The following WDR17 variants were observed in gnomAD, a reference collection of about 807,000 sequenced individuals.
WDR17 encodes the protein WD repeat-containing protein 17.
WDR17 carries 143 observed loss-of-function variants against 161.7 expected under a neutral mutation model. The ratio of observed to expected loss-of-function variants is 0.88; its 90% confidence interval spans 0.77 to 1.02. The LOEUF is 1.02. WDR17 is among the 50% of genes least tolerant of loss of function. The probability of loss-of-function intolerance (pLI) is 0.00; values close to 1 mark genes in which losing one functional copy is unlikely to be tolerated. For missense variants in WDR17, 1,469 were observed against 1,520.9 expected (o/e 0.97, Z 0.57); for synonymous variants, 517 against 515.6 (o/e 1.00, Z -0.04).
chr4:176,167,428 C>T (rs574651238), intron 22 of WDR17, among the ~76,000 whole-genome samples: 105 of 151,392 alleles, frequency 6.9e-4, no homozygotes, highest in African/African-American at 2.4e-3. Flanking sequence ...GGGCGGATCA[C>T]GAGGTCAGGA....
intron 10 of WDR17, among the ~76,000 whole-genome samples, chr4:176,140,685 TTAGGTTTTGC>T (rs149876113): frequency 0.016 from 2,416 of 152,268 alleles, 61 homozygotes; most frequent in African/African-American, 0.054. Flanking sequence ...ACAGAAGTTG[TTAGGTTTTGC>T]TAAAGCCACT....
At chr4:176,153,316 C>A (rs1317203732) in intron 17 of WDR17, among the ~76,000 whole-genome samples, 1 of 152,194 alleles carries the variant, frequency 6.6e-6, no homozygotes, top group Non-Finnish European at 1.5e-5. Flanking sequence ...AGGGTTTCTG[C>A]TGAATATCAT....
intron 22 of WDR17, among the ~76,000 whole-genome samples, chr4:176,164,233 T>C (rs1749452570): frequency 6.6e-6 from 1 of 152,182 alleles, no homozygotes; most frequent in Non-Finnish European, 1.5e-5. Context: ...TCGCAGTAAG[T>C]GGTAGAGCCA....
intron 7 of WDR17, among the ~76,000 whole-genome samples, chr4:176,134,703 T>C (rs1045925450): frequency 6.6e-6 from 1 of 151,748 alleles, no homozygotes; most frequent in Non-Finnish European, 1.5e-5. Flanking sequence ...TTGAGTTTCA[T>C]CTTGGTCTTC....
In WDR17 at chr4:176,150,069, C is replaced by T; in HGVS notation, c.2074C>T (p.Pro692Ser). 6.2e-7 allele frequency: 1 copy of T among 1,614,040 alleles called. No homozygotes were observed. Among genetic ancestry groups the T allele is most frequent in the Middle Eastern group, 1.7e-4 (1 of 6,060 alleles). The change falls in exon 15 of 29, where the codon CCT (proline) becomes TCT (serine). Residue 692 changes from proline to serine, a missense_variant. Transcript: ENST00000508596. ...TDYAIEPGTP[P>S]LLCGKVSRDI... ...TTATGCTATAGAACCAGGCACTCCT[C>T]CTCTACTGTGTGGTAAAGTGTCAAG...
Position 176,167,666 on chromosome 4 carries a change from A to AAC in WDR17, c.2991-1005_2991-1004insCA, listed in dbSNP as rs1554036571. On this transcript the variant is annotated intron_variant, in intron 22 of 28. Coordinates refer to ENST00000508596, the MANE Select transcript of WDR17 (RefSeq NM_181265.4). ...TCTCAAAAAAAAAAAAAAAAAAAAA[A>AAC]AAAAAACAATATCTTGAATTATTGA... Among the ~76,000 whole-genome samples, 468 of 139,944 alleles carry AAC rather than the reference A, an allele frequency of 3.3e-3. 19 individuals are homozygous for AAC. Among genetic ancestry groups the AAC allele is most frequent in the Middle Eastern group, 0.031 (8 of 262 alleles). 91.8% of individuals were successfully genotyped at this position (139,944 alleles called of 152,430 possible). A position where few individuals can be genotyped will look rare whatever the true frequency, so the allele number is the denominator to read the frequency against.
rs565575966 is a variant in WDR17 at position 176,180,161 on chromosome 4, A to T, written c.*582A>T. The T allele has an allele frequency of 4.6e-5, 7 of 152,220 alleles. No individual in the cohort carries two copies. Among genetic ancestry groups the T allele is most frequent in the South Asian group, 4.1e-4 (2 of 4,826 alleles). 9.4% of individuals were successfully genotyped at this position (152,220 alleles called of 1,614,324 possible). A position where few individuals can be genotyped will look rare whatever the true frequency, so the allele number is the denominator to read the frequency against. ...ATGGATACACATTCAAAATACTTTT[A>T]AAAAAAAGAAAATGTTACCAGTTTT... On this transcript the variant is annotated 3_prime_UTR_variant, in exon 29 of 29. Coordinates refer to ENST00000508596, the MANE Select transcript of WDR17 (RefSeq NM_181265.4).
At chr4:176,093,685 G>A (rs1561086506) in intron 1 of WDR17, among the ~76,000 whole-genome samples, 1 of 151,888 alleles carries the variant, frequency 6.6e-6, no homozygotes. Flanking sequence ...TCTTACCTCA[G>A]TTACTGCTGA....
At chr4:176,162,956 G>T (rs1749253313) in intron 21 of WDR17, among the ~76,000 whole-genome samples, 198 bp from the exon 22 acceptor site, 1 of 152,070 alleles carries the variant, frequency 6.6e-6, no homozygotes, top group Non-Finnish European at 1.5e-5. Flanking sequence ...ATTTCTGTAT[G>T]TCTCATTAAT....
chr4:176,091,225 A>T (rs573883278), intron 1 of WDR17, among the ~76,000 whole-genome samples: 1 of 152,348 alleles, frequency 6.6e-6, no homozygotes, highest in South Asian at 2.1e-4. Flanking sequence ...TGCATCATTT[A>T]TAAGAGGAGA....
At chr4:176,079,221 A>G (rs536208117) in intron 1 of WDR17, among the ~76,000 whole-genome samples, 60 of 152,228 alleles carry the variant, frequency 3.9e-4, no homozygotes, top group African/African-American at 1.3e-3. Flanking sequence ...TTATGGCTCA[A>G]TGGTATTTCA....
rs1040289985 is a variant in WDR17 at position 176,128,985 on chromosome 4, A to G, written c.913+125A>G. 2.9e-5 allele frequency: 23 copies of G among 789,350 alleles called. No individual in the cohort carries two copies. The African/African-American group carries it at 3.7e-4, about 13-fold the overall frequency. The allele number at this position is 789,350 out of a possible 1,614,324, so 48.9% of individuals were successfully genotyped here. Reference sequence around the variant, plus strand: ...AAAGCAATTTTTAAAAAAGGCTTTGACAATATATGTGCTCAAGGATCCATC... The same window carrying G: ...AAAGCAATTTTTAAAAAAGGCTTTGGCAATATATGTGCTCAAGGATCCATC... On this transcript the variant is annotated intron_variant, in intron 6 of 28. Transcript: ENST00000508596.
intron 1 of WDR17, among the ~76,000 whole-genome samples, chr4:176,081,291 G>A (rs1734716237): frequency 6.6e-6 from 1 of 152,088 alleles, no homozygotes; most frequent in Non-Finnish European, 1.5e-5. Context: ...TTCTTACCAT[G>A]ATCTACATGA....
intron 1 of WDR17, among the ~76,000 whole-genome samples, chr4:176,093,129 C>T (rs1039862401): frequency 6.6e-6 from 1 of 152,040 alleles, no homozygotes; most frequent in Non-Finnish European, 1.5e-5. Flanking sequence ...TGGGAATAAA[C>T]TTAACCAAAG....
rs201862388 is a variant in WDR17, at chr4:176,090,252, G to GT, written c.-6-21319dup. Among the ~76,000 whole-genome samples, 548 of 121,352 alleles carry GT rather than the reference G, an allele frequency of 4.5e-3. 4 individuals carry two copies. Among genetic ancestry groups the GT allele is most frequent in the African/African-American group, 0.018 (501 of 27,560 alleles). 79.6% of individuals were successfully genotyped at this position (121,352 alleles called of 152,430 possible). On this transcript the variant is annotated intron_variant, in intron 1 of 28. Coordinates refer to ENST00000508596, the MANE Select transcript of WDR17 (RefSeq NM_181265.4). ...CTATTAGTTCCTACTAGAGCTGGTT[G>GT]TTTTAAAAAAAAAAAAAAAAAGCCT... is the stretch of plus-strand genomic sequence containing the variant.
intron 4 of WDR17, among the ~76,000 whole-genome samples, chr4:176,124,310 C>A (rs905522533): frequency 2.0e-5 from 3 of 152,064 alleles, no homozygotes; most frequent in Non-Finnish European, 4.4e-5. Flanking sequence ...TTCCATATTT[C>A]CAGTTGTGTA....
At chr4:176,088,124 G>A (rs1316706006) in intron 1 of WDR17, among the ~76,000 whole-genome samples, 5 of 152,112 alleles carry the variant, frequency 3.3e-5, no homozygotes, top group African/African-American at 4.8e-5. Context: ...GATTACAGGC[G>A]TGAGCCACCA....
chr4:176,132,258 T>C (rs1255701512), intron 7 of WDR17, among the ~76,000 whole-genome samples: 1 of 152,144 alleles, frequency 6.6e-6, no homozygotes, highest in African/African-American at 2.4e-5. Context: ...TTGTGTTCTG[T>C]GGTACAGCCC....
rs561318106 is a variant in WDR17 at position 176,073,910 on chromosome 4, G to C, written c.-7+7831G>C. 1.2e-4 allele frequency among the ~76,000 whole-genome samples: 18 copies of C among 150,480 alleles called. 1 individual carries two copies. In the South Asian group the frequency reaches 3.9e-3, roughly 32 times the overall value. On this transcript the variant is annotated intron_variant, in intron 1 of 28. Coordinates refer to ENST00000508596, the MANE Select transcript of WDR17 (RefSeq NM_181265.4). ...TGGCTGCATAAATGTCTTCTTTTGA[G>C]AAATGTCTGTTCATATCCTTCACCC...
Sources: gnomAD v4.1 joint callset for allele counts (sites outside exome capture counted in the v4.1 genomes callset) on GRCh38, gnomAD v4.1.1 for gene constraint, MANE v1.5 for transcripts, NCBI Gene and HGNC (gene_info 2026-07-23, HGNC 2026-07-21) for gene names.